The following MCPH1 variants were observed in gnomAD, a reference collection of about 807,000 sequenced individuals.
MCPH1 encodes the protein microcephalin.
MCPH1 carries 104 observed loss-of-function variants against 84.5 expected under a neutral mutation model. The observed-to-expected ratio is 1.23, with a 90% CI of 1.05 to 1.45. The LOEUF (loss-of-function observed/expected upper bound fraction) is 1.45. MCPH1 is among the 40% of genes most tolerant of loss of function. The probability of loss-of-function intolerance (pLI) is 0.00; values close to 1 mark genes in which losing one functional copy is unlikely to be tolerated. For synonymous variants in MCPH1, 514 were observed against 366.8 expected, an observed-to-expected ratio of 1.40 and a Z score of -4.58; for missense variants, 1,498 against 1,005.7, an observed-to-expected ratio of 1.49 and a Z score of -6.62.
chr8:6,505,880 T>C (rs1813573115), intron 12 of MCPH1, among the ~76,000 whole-genome samples: 1 of 126,844 alleles, frequency 7.9e-6, no homozygotes, highest in African/African-American at 3.2e-5. Flanking sequence ...ATATTCTTTA[T>C]ATATGTATAT....
chr8:6,441,651 G>A (rs1017355531), intron 6 of MCPH1, among the ~76,000 whole-genome samples: 6 of 152,190 alleles, frequency 3.9e-5, no homozygotes, highest in Non-Finnish European at 8.8e-5. Context: ...CCTGTGTGTG[G>A]TAGGAAGCTC....
chr8:6,409,138 C>A, intron 1 of MCPH1, 141 bp from the exon 2 acceptor site: 1 of 723,514 alleles, frequency 1.4e-6, no homozygotes, highest in Non-Finnish European at 2.5e-6. Flanking sequence ...CACCCACTTC[C>A]GCCTCCCACA....
intron 3 of MCPH1, among the ~76,000 whole-genome samples, chr8:6,424,826 CTCCTGTGTTCT>C (rs1199070433): frequency 6.6e-6 from 1 of 152,220 alleles, no homozygotes; most frequent in African/African-American, 2.4e-5. Context: ...TTCTCTGAGT[CTCCTGTGTTCT>C]TCCTTGTGTG....
chr8:6,498,691 T>C (rs1208757566), intron 11 of MCPH1, among the ~76,000 whole-genome samples: 1 of 152,222 alleles, frequency 6.6e-6, no homozygotes, highest in Non-Finnish European at 1.5e-5. Context: ...TACTATTCTT[T>C]TACGTTGCCT....
In MCPH1 at chr8:6,497,329, C is replaced by CA. The variant is rs955698634; in HGVS notation, c.2137-2514dup. The stretch of plus-strand genomic sequence containing the variant: ...AACCCCATTCTCTACCAAAAAAAAA[C>CA]AAAAAAAAAGAAAAAAGAAAAAAAT... On this transcript the variant is annotated intron_variant, in intron 11 of 13. Transcript: ENST00000344683. 1.1e-4 allele frequency among the ~76,000 whole-genome samples: 15 copies of CA among 138,266 alleles called. 1 individual carries two copies. Among genetic ancestry groups the CA allele is most frequent in the East Asian group, 2.1e-4 (1 of 4,812 alleles). 90.7% of individuals were successfully genotyped at this position (138,266 alleles called of 152,430 possible).
intron 12 of MCPH1, among the ~76,000 whole-genome samples, chr8:6,555,273 A>G (rs955174012): frequency 1.3e-5 from 2 of 152,178 alleles, no homozygotes; most frequent in Non-Finnish European, 2.9e-5. Flanking sequence ...TAGTGGGAAG[A>G]GAAGGCCACA....
At chr8:6,594,832 C>A (rs887647662) in intron 12 of MCPH1, among the ~76,000 whole-genome samples, 1 of 152,158 alleles carries the variant, frequency 6.6e-6, no homozygotes, top group Non-Finnish European at 1.5e-5. Flanking sequence ...TGTGGAAAGA[C>A]CTGCCCTCGG....
chr8:6,602,023 C>T (rs1485752368), intron 12 of MCPH1, among the ~76,000 whole-genome samples: 2 of 152,198 alleles, frequency 1.3e-5, no homozygotes, highest in Non-Finnish European at 2.9e-5. Flanking sequence ...AATGCAGGCT[C>T]TGAAGAATTT....
chr8:6,548,966 C>A (rs566033345), intron 12 of MCPH1, among the ~76,000 whole-genome samples: 1 of 152,298 alleles, frequency 6.6e-6, no homozygotes, highest in African/African-American at 2.4e-5. Flanking sequence ...TATGTTTAAC[C>A]AGTACTTAAT....
intron 4 of MCPH1, among the ~76,000 whole-genome samples, chr8:6,432,788 C>A (rs1802029884): frequency 6.6e-6 from 1 of 152,246 alleles, no homozygotes; most frequent in Admixed American, 6.5e-5. Flanking sequence ...TTCAGTCTTA[C>A]CTGATTATAG....
At chr8:6,409,216 A>G (rs1798193320) in intron 1 of MCPH1, 63 bp from the exon 2 acceptor site, 2 of 1,358,896 alleles carry the variant, frequency 1.5e-6, no homozygotes, top group South Asian at 2.3e-5. Flanking sequence ...ATAGAACAAA[A>G]TCTATTGGGC....
At chr8:6,569,339 G>C (rs1826474595) in intron 12 of MCPH1, among the ~76,000 whole-genome samples, 1 of 152,104 alleles carries the variant, frequency 6.6e-6, no homozygotes, top group African/African-American at 2.4e-5. Context: ...GATATATGTT[G>C]AACCAGATTT....
rs533661788 is a variant in MCPH1 at position 6,587,076 on chromosome 8, G to A, written c.2215-34378G>A. Among the ~76,000 whole-genome samples, 12 of 152,152 alleles carry A rather than the reference G, an allele frequency of 7.9e-5. No homozygotes were observed. In the East Asian group the frequency reaches 2.1e-3, roughly 27 times the overall value. ...CTTCCACTTCTCGGTGTTGGAAATT[G>A]CCATTTATTTTTGCTGTCGATGATC... On this transcript the variant is annotated intron_variant, in intron 12 of 13. Coordinates refer to ENST00000344683, the MANE Select transcript of MCPH1 (RefSeq NM_024596.5).
chr8:6,621,343 A>T, intron 12 of MCPH1, 111 bp from the exon 13 acceptor site: 1 of 1,326,296 alleles, frequency 7.5e-7, no homozygotes. Context: ...TGGCAGCCTT[A>T]CATTCAGTCT....
chr8:6,504,432 C>G (rs1395550354), intron 12 of MCPH1, among the ~76,000 whole-genome samples: 1 of 152,036 alleles, frequency 6.6e-6, no homozygotes, highest in Non-Finnish European at 1.5e-5. Flanking sequence ...ATAATCTCCT[C>G]TATCCAGTGG....
At position 6,514,758 on chromosome 8, in the gene MCPH1, A is replaced by G. The variant is rs773542523; in HGVS notation, c.2214+14829A>G. On this transcript the variant is annotated intron_variant, in intron 12 of 13. Transcript: ENST00000344683. The stretch of plus-strand genomic sequence containing the variant: ...GAATAATTGTCCACCCGCCTCCTCC[A>G]GCTTCCATGTCACAGTAGGCCTGCA... 4 of 1,613,852 alleles carry G rather than the reference A, an allele frequency of 2.5e-6. No homozygotes were observed. The Admixed American group carries it at 6.7e-5, about 27-fold the overall frequency.
intron 2 of MCPH1, among the ~76,000 whole-genome samples, chr8:6,414,204 C>T (rs1798928489): frequency 6.6e-6 from 1 of 152,166 alleles, no homozygotes; most frequent in Non-Finnish European, 1.5e-5. Flanking sequence ...GACAAGGTTT[C>T]ACCAGGTTGG....
intron 3 of MCPH1, among the ~76,000 whole-genome samples, chr8:6,426,880 C>T (rs1410549078): frequency 1.3e-5 from 2 of 152,056 alleles, no homozygotes; most frequent in Non-Finnish European, 2.9e-5. Context: ...CACAATTTGT[C>T]CAATTAAAGT....
intron 7 of MCPH1, among the ~76,000 whole-genome samples, chr8:6,443,451 A>G (rs998033476): frequency 6.7e-6 from 1 of 149,638 alleles, no homozygotes; most frequent in Non-Finnish European, 1.5e-5. Context: ...TCCTTTTTAA[A>G]GTAGAACTTC....
Sources: gnomAD v4.1 joint callset for allele counts (sites outside exome capture counted in the v4.1 genomes callset) on GRCh38, gnomAD v4.1.1 for gene constraint, MANE v1.5 for transcripts, NCBI Gene and HGNC (gene_info 2026-07-23, HGNC 2026-07-21) for gene names.